The following KANK1 variants were observed in gnomAD, a reference collection of about 807,000 sequenced individuals.
KANK1 encodes KN motif and ankyrin repeat domain-containing protein 1.
A neutral mutation model predicts 106.2 loss-of-function variants in KANK1; 109 were observed. The ratio of observed to expected loss-of-function variants is 1.03; its 90% CI spans 0.88 to 1.20. KANK1 has a LOEUF of 1.20. Ranked by LOEUF, KANK1 falls within the 50% of genes most tolerant of loss-of-function variation. KANK1 has a pLI of 0.00. For synonymous variants in KANK1, 873 were observed against 652.2 expected, an observed-to-expected ratio of 1.34 and a Z score of -5.16; for missense variants, 2,399 against 1,710.7, an observed-to-expected ratio of 1.40 and a Z score of -7.10.
At chr9:636,511 C>A (rs977776328) in intron 1 of KANK1, among the ~76,000 whole-genome samples, 3 of 152,162 alleles carry the variant, frequency 2.0e-5, no homozygotes, top group Non-Finnish European at 4.4e-5. Context: ...CAGTTCCCAT[C>A]AACAGAGTCC....
chr9:562,301 C>G (rs1337642829), intron 1 of KANK1, among the ~76,000 whole-genome samples: 1 of 151,962 alleles, frequency 6.6e-6, no homozygotes. Flanking sequence ...ATCCACCCGC[C>G]TCGGCCTCCC....
intron 3 of KANK1, among the ~76,000 whole-genome samples, chr9:721,853 C>G (rs1589189607): frequency 6.6e-6 from 1 of 152,254 alleles, no homozygotes; most frequent in Non-Finnish European, 1.5e-5. Flanking sequence ...GGCATACGGT[C>G]AACTTGAAGA....
intron 10 of KANK1, among the ~76,000 whole-genome samples, chr9:743,104 T>G (rs1374264057): frequency 6.6e-6 from 1 of 152,186 alleles, no homozygotes; most frequent in East Asian, 1.9e-4. Context: ...GGAACTGGCA[T>G]GTAGGCAGTG....
intron 1 of KANK1, among the ~76,000 whole-genome samples, chr9:517,648 T>C (rs984050305): frequency 6.6e-6 from 1 of 151,450 alleles, no homozygotes; most frequent in Non-Finnish European, 1.5e-5. Context: ...GGGGATAATA[T>C]GTCTGGGCTC....
chr9:564,134 A>G (rs192908891), intron 1 of KANK1, among the ~76,000 whole-genome samples: 566 of 149,178 alleles, frequency 3.8e-3, no homozygotes, highest in African/African-American at 0.013. Context: ...ATCTCGGCTC[A>G]CTGCAAGCTC....
At chr9:642,287 C>G (rs1211556879) in intron 1 of KANK1, among the ~76,000 whole-genome samples, 4 of 149,726 alleles carry the variant, frequency 2.7e-5, no homozygotes, top group African/African-American at 1.0e-4. Context: ...GTTAAGTTAC[C>G]CCATTTGTGT....
chr9:477,603 G>A (rs529103067), intron 3 of KANK1: 1 of 152,362 alleles, frequency 6.6e-6, no homozygotes, highest in African/African-American at 2.4e-5. Context: ...TGAGTTTTAT[G>A]TATCTTGGCT....
chr9:480,288 G>A (rs2058181002), intron 3 of KANK1, among the ~76,000 whole-genome samples: 1 of 152,172 alleles, frequency 6.6e-6, no homozygotes, highest in South Asian at 2.1e-4. Context: ...TAATCTGATG[G>A]GCTAGACAGA....
At chr9:633,932 T>C (rs1836438584) in intron 1 of KANK1, among the ~76,000 whole-genome samples, 1 of 152,224 alleles carries the variant, frequency 6.6e-6, no homozygotes, top group Non-Finnish European at 1.5e-5. Context: ...ATTATAGGCA[T>C]GAGCCACTGC....
intron 1 of KANK1, among the ~76,000 whole-genome samples, chr9:563,015 C>T (rs1167154499): frequency 6.6e-6 from 1 of 152,174 alleles, no homozygotes; most frequent in Non-Finnish European, 1.5e-5. Flanking sequence ...CATCAATTCT[C>T]AAATCACTCT....
intron 1 of KANK1, among the ~76,000 whole-genome samples, chr9:656,154 A>G (rs1424414717): frequency 6.6e-6 from 1 of 152,080 alleles, no homozygotes; most frequent in African/African-American, 2.4e-5. Context: ...CTTGAGCCCA[A>G]CCTTTCAGGC....
rs1159374900 is a variant in KANK1, at chr9:527,816, TA to T, written c.-84+23075del. On this transcript the variant is annotated intron_variant, in intron 1 of 11. Coordinates refer to ENST00000382297, the MANE Select transcript of KANK1 (RefSeq NM_015158.5). ...GTTCCCTTAAGTTCCAGCTTTTTAT[TA>T]AAAAAAAAAAAATAGAGTTTCCCCT... 9.4e-3 allele frequency among the ~76,000 whole-genome samples: 1,343 copies of T among 142,742 alleles called. 34 individuals carry two copies. Among genetic ancestry groups the T allele is most frequent in the African/African-American group, 0.026 (1,008 of 38,690 alleles). The allele number at this position is 142,742 out of a possible 152,430, so 93.6% of individuals were successfully genotyped here. A position where few individuals can be genotyped will look rare whatever the true frequency, so the allele number is the denominator to read the frequency against.
chr9:472,944 T>G (rs774115218), intron 2 of KANK1, among the ~76,000 whole-genome samples: 1 of 152,198 alleles, frequency 6.6e-6, no homozygotes, highest in East Asian at 1.9e-4. Context: ...CAGCTCAGAT[T>G]ACAAAACTAT....
chr9:563,090 CTTTT>C (rs1587841463), intron 1 of KANK1, among the ~76,000 whole-genome samples: 2 of 151,932 alleles, frequency 1.3e-5, no homozygotes, highest in Middle Eastern at 3.2e-3. Context: ...ATCAAGTACT[CTTTT>C]TTGGTTATTT....
At chr9:553,488 T>A (rs777096896) in intron 1 of KANK1, among the ~76,000 whole-genome samples, 1 of 152,200 alleles carries the variant, frequency 6.6e-6, no homozygotes, top group Non-Finnish European at 1.5e-5. Context: ...AGCTGAGTCC[T>A]CAGCTTCATA....
chr9:536,350 T>A (rs1245612794), intron 1 of KANK1, among the ~76,000 whole-genome samples: 1 of 151,952 alleles, frequency 6.6e-6, no homozygotes, highest in Non-Finnish European at 1.5e-5. Flanking sequence ...AGAAAAAAAA[T>A]ACACAAAAGC....
intron 1 of KANK1, among the ~76,000 whole-genome samples, chr9:646,235 G>C (rs1216386610): frequency 6.6e-6 from 1 of 150,902 alleles, no homozygotes; most frequent in African/African-American, 2.5e-5. Context: ...GCCCATGCCT[G>C]TAATCTCAGC....
chr9:518,491 G>A (rs2059397768), intron 1 of KANK1, among the ~76,000 whole-genome samples: 1 of 151,704 alleles, frequency 6.6e-6, no homozygotes, highest in Admixed American at 6.6e-5. Context: ...TCGATGTAGG[G>A]GAGGGGTTCG....
At chr9:560,534 G>A (rs1004417548) in intron 1 of KANK1, among the ~76,000 whole-genome samples, 7 of 152,184 alleles carry the variant, frequency 4.6e-5, no homozygotes, top group African/African-American at 1.7e-4. Flanking sequence ...ACAGCCAGGA[G>A]CGAAATGTCT....
Sources: gnomAD v4.1 joint callset for allele counts (sites outside exome capture counted in the v4.1 genomes callset) on GRCh38, gnomAD v4.1.1 for gene constraint, MANE v1.5 for transcripts, NCBI Gene and HGNC (gene_info 2026-07-23, HGNC 2026-07-21) for gene names.